SLIT3: variants seen among roughly 807,000 people sequenced by gnomAD.
The protein encoded by SLIT3 is slit guidance ligand 3.
SLIT3 carries 68 observed loss-of-function variants against 184.0 expected under a neutral mutation model. That is an observed-to-expected ratio of 0.37 (90% confidence interval 0.30 to 0.45). The LOEUF (loss-of-function observed/expected upper bound fraction) is 0.45, where lower values mean the gene tolerates loss of function less well. SLIT3 is among the 20% of genes least tolerant of loss of function. The pLI is 1.00. For missense variants in SLIT3, 1,707 were observed against 2,026.0 expected, an observed-to-expected ratio of 0.84 and a Z score of 3.02; for synonymous variants, 831 against 828.6, an observed-to-expected ratio of 1.00 and a Z score of -0.05.
intron 6 of SLIT3, among the ~76,000 whole-genome samples, chr5:168,825,709 T>G (rs1757679115): frequency 6.6e-6 from 1 of 152,252 alleles, no homozygotes; most frequent in South Asian, 2.1e-4. Flanking sequence ...ATCCTGCCTC[T>G]GTCCATCCAG....
At chr5:168,800,129 A>C (rs1460568008) in intron 9 of SLIT3, among the ~76,000 whole-genome samples, 1 of 152,234 alleles carries the variant, frequency 6.6e-6, no homozygotes, top group East Asian at 1.9e-4. Context: ...TGGTTGGACC[A>C]GACAACTTAG....
intron 4 of SLIT3, among the ~76,000 whole-genome samples, chr5:168,896,676 A>G (rs867876844): frequency 5.5e-4 from 84 of 152,228 alleles, no homozygotes; most frequent in African/African-American, 2.0e-3. Flanking sequence ...AAAGCCTCCC[A>G]GCCCCTACGA....
intron 4 of SLIT3, among the ~76,000 whole-genome samples, chr5:169,039,963 A>T (rs1178899020): frequency 6.6e-6 from 1 of 152,236 alleles, no homozygotes; most frequent in African/African-American, 2.4e-5. Flanking sequence ...CAGAATTTCA[A>T]AGGACCCTAT....
At chr5:168,743,394 T>C (rs1763700668) in intron 20 of SLIT3, among the ~76,000 whole-genome samples, 1 of 152,240 alleles carries the variant, frequency 6.6e-6, no homozygotes, top group Non-Finnish European at 1.5e-5. Context: ...AATACTTTTA[T>C]GGTGATCTGT....
intron 12 of SLIT3, among the ~76,000 whole-genome samples, chr5:168,778,737 A>C (rs1351925868): frequency 1.3e-5 from 2 of 152,230 alleles, no homozygotes; most frequent in Non-Finnish European, 2.9e-5. Context: ...AGATAACAGC[A>C]ATAGCACACA....
At chr5:168,714,054 T>G (rs1762642327) in intron 23 of SLIT3, among the ~76,000 whole-genome samples, 1 of 152,174 alleles carries the variant, frequency 6.6e-6, no homozygotes, top group Non-Finnish European at 1.5e-5. Context: ...CTGGTGAAAT[T>G]CTCAGGGTGA....
intron 20 of SLIT3, among the ~76,000 whole-genome samples, chr5:168,735,315 C>T (rs946951925): frequency 6.6e-6 from 1 of 152,060 alleles, no homozygotes; most frequent in African/African-American, 2.4e-5. Flanking sequence ...GAACTCAAAC[C>T]AGCTGATGTT....
rs1371943861 is a variant in SLIT3, at chr5:169,251,419, C to A, written c.238G>T (p.Asp80Tyr). ...CGGAGGTTCTTGAGCCCAGCGAAGT[C>A]CATCTTGGTGATCCTGGTGATATTA... ...RNNITRITKM[D>Y]FAGLKNLRVL... The change falls in exon 2 of 36, where the codon GAC (aspartate) becomes TAC (tyrosine). Residue 80 changes from aspartate to tyrosine, a missense_variant. Transcript: ENST00000519560. 1 of 1,613,556 alleles carries A rather than the reference C, an allele frequency of 6.2e-7. No homozygotes were observed. Among genetic ancestry groups the A allele is most frequent in the Admixed American group, 1.7e-5 (1 of 60,018 alleles).
At position 168,748,409 on chromosome 5, in the gene SLIT3, C is replaced by CT; in HGVS notation, c.2162_2163insA (p.Ser722GlufsTer60). ...TGCACTGCTCCGGGCAGCGCGGGCTCAGCTGGCAGCTACTCTCCTCGTTGC... is the reference window on the plus strand; with the variant it reads ...TGCACTGCTCCGGGCAGCGCGGGCTCTAGCTGGCAGCTACTCTCCTCGTTGC... On this transcript the variant is annotated frameshift_variant, in exon 20 of 36. Transcript: ENST00000519560. LOFTEE classifies it high-confidence loss of function. 6.6e-7 allele frequency: 1 copy of CT among 1,523,688 alleles called. No individual in the cohort carries two copies. Among genetic ancestry groups the CT allele is most frequent in the Non-Finnish European group, 8.7e-7 (1 of 1,147,586 alleles). 94.4% of individuals were successfully genotyped at this position (1,523,688 alleles called of 1,614,324 possible). A position where few individuals can be genotyped will look rare whatever the true frequency, so the allele number is the denominator to read the frequency against.
intron 4 of SLIT3, among the ~76,000 whole-genome samples, chr5:169,136,937 G>A (rs1761524582): frequency 6.6e-6 from 1 of 152,034 alleles, no homozygotes; most frequent in African/African-American, 2.4e-5. Context: ...GCCCAGGCTG[G>A]CCTTGAATTC....
chr5:169,124,786 A>G (rs182757111), intron 4 of SLIT3, among the ~76,000 whole-genome samples: 179 of 152,180 alleles, frequency 1.2e-3, no homozygotes, highest in Admixed American at 2.7e-3. Context: ...TAAAATGAAT[A>G]CATATGGAGA....
intron 7 of SLIT3, among the ~76,000 whole-genome samples, chr5:168,819,387 C>G (rs1191955494): frequency 6.6e-6 from 1 of 152,246 alleles, no homozygotes; most frequent in African/African-American, 2.4e-5. Flanking sequence ...GTAGGTCTGT[C>G]TGGGACAAAG....
chr5:168,826,838 T>G lies in SLIT3; in HGVS notation c.558-3507A>C, dbSNP rs976844806. ...GGGTAGTGGTGTGATCTCGGCTCAC[T>G]GCAACTTCTGCCTCCTGGGTTCCAG... On this transcript the variant is annotated intron_variant, in intron 6 of 35. Coordinates refer to ENST00000519560, the MANE Select transcript of SLIT3 (RefSeq NM_003062.4). Among the ~76,000 whole-genome samples, 9 of 151,464 alleles carry G rather than the reference T, an allele frequency of 5.9e-5. No homozygotes were observed. The South Asian group carries it at 1.5e-3, about 25-fold the overall frequency.
intron 5 of SLIT3, among the ~76,000 whole-genome samples, chr5:168,859,070 A>G (rs1407153773): frequency 1.3e-5 from 2 of 152,194 alleles, no homozygotes; most frequent in Non-Finnish European, 2.9e-5. Context: ...GAAAGGTTGG[A>G]TAATCAGCAC....
intron 1 of SLIT3, among the ~76,000 whole-genome samples, chr5:169,277,371 C>T (rs964561735): frequency 1.1e-4 from 16 of 152,180 alleles, no homozygotes; most frequent in Non-Finnish European, 2.1e-4. Context: ...GCTGGAACTA[C>T]AGGTTTGCAC....
chr5:169,067,247 TA>T (rs1327674829), intron 4 of SLIT3, among the ~76,000 whole-genome samples: 1 of 151,954 alleles, frequency 6.6e-6, no homozygotes, highest in Non-Finnish European at 1.5e-5. Context: ...CTGTCTCTAC[TA>T]AAAATACAAA....
intron 4 of SLIT3, among the ~76,000 whole-genome samples, chr5:169,178,400 G>A (rs1001917779): frequency 3.3e-5 from 5 of 152,182 alleles, no homozygotes; most frequent in East Asian, 3.8e-4. Flanking sequence ...TCCAGAAGGT[G>A]CCATTCAGCT....
At chr5:168,771,773 C>T (rs1755556388) in intron 14 of SLIT3, among the ~76,000 whole-genome samples, 1 of 152,172 alleles carries the variant, frequency 6.6e-6, no homozygotes, top group Non-Finnish European at 1.5e-5. Context: ...ACTTAAAGGA[C>T]AAGAAGATGT....
At chr5:169,055,424 C>G (rs73312289) in intron 4 of SLIT3, among the ~76,000 whole-genome samples, 1 of 152,118 alleles carries the variant, frequency 6.6e-6, no homozygotes, top group Non-Finnish European at 1.5e-5. Context: ...AAGTTGAAAG[C>G]GGGACACTCA....
Sources: allele counts gnomAD v4.1 joint callset (sites outside exome capture counted in the v4.1 genomes callset), GRCh38; gene constraint gnomAD v4.1.1; transcripts MANE v1.5; gene names NCBI Gene and HGNC (gene_info 2026-07-23, HGNC 2026-07-21).